Variants in CTNNA3 observed in about 807,000 individuals in gnomAD.
CTNNA3 encodes the protein catenin alpha-3.
In CTNNA3, 76 loss-of-function variants were observed where a neutral mutation model predicts 95.7. The observed-to-expected ratio is 0.79, with a 90% CI of 0.66 to 0.96. CTNNA3 has a LOEUF of 0.96. Among genes scored for constraint, CTNNA3 ranks in the 40% least tolerant of loss-of-function variants. The pLI is 0.00. For synonymous variants in CTNNA3, 431 were observed against 374.4 expected (o/e 1.15, Z -1.74); for missense variants, 1,191 against 1,089.8 (o/e 1.09, Z -1.31).
intron 5 of CTNNA3, among the ~76,000 whole-genome samples, chr10:67,386,364 T>A (rs1055735104): frequency 6.6e-6 from 1 of 152,174 alleles, no homozygotes; most frequent in Non-Finnish European, 1.5e-5. Context: ...TATACAGACA[T>A]TACATAACTC....
At chr10:66,830,898 C>A (rs895724907) in intron 7 of CTNNA3, among the ~76,000 whole-genome samples, 1 of 152,244 alleles carries the variant, frequency 6.6e-6, no homozygotes, top group Non-Finnish European at 1.5e-5. Flanking sequence ...CGTGAGCCAC[C>A]GCGCCTGGCC....
chr10:67,047,032 G>T (rs911920454), intron 7 of CTNNA3, among the ~76,000 whole-genome samples: 2 of 152,130 alleles, frequency 1.3e-5, no homozygotes, highest in South Asian at 4.1e-4. Flanking sequence ...TATATTCAGG[G>T]TCCAGGAGCA....
chr10:66,561,860 T>G (rs2631206), intron 10 of CTNNA3, among the ~76,000 whole-genome samples: 58,139 of 151,934 alleles, frequency 0.38, 11,629 homozygotes, highest in Admixed American at 0.44. Flanking sequence ...CACATTATCC[T>G]ACATGATTTG....
intron 12 of CTNNA3, among the ~76,000 whole-genome samples, chr10:66,360,812 CCTTCCTTTCTTTCTTTCTTT>C (rs869075373): frequency 0.061 from 3,175 of 52,176 alleles, 273 homozygotes; most frequent in Middle Eastern, 0.13. Context: ...TTCCTTCCTT[CCTTCCTTTCTTTCTTTCTTT>C]CTTTCTTTCT....
chr10:66,543,470 A>C (rs1399715074), intron 10 of CTNNA3, among the ~76,000 whole-genome samples: 1 of 152,176 alleles, frequency 6.6e-6, no homozygotes, highest in East Asian at 1.9e-4. Context: ...AAAGGGGTTT[A>C]AGTTATTTTA....
chr10:66,639,542 C>A (rs1254297290), intron 9 of CTNNA3, among the ~76,000 whole-genome samples: 3 of 152,104 alleles, frequency 2.0e-5, no homozygotes, highest in Admixed American at 1.3e-4. Flanking sequence ...CAAAGGGATT[C>A]ATATTTGTGG....
rs2076957128 is a variant in CTNNA3, at chr10:65,912,630, T to C, written c.*7700A>G. 1 of 152,108 alleles carries C rather than the reference T, an allele frequency of 6.6e-6. No individual in the cohort carries two copies. Among genetic ancestry groups the C allele is most frequent in the South Asian group, 2.1e-4 (1 of 4,830 alleles). The allele number at this position is 152,108 out of a possible 1,614,324, so 9.4% of individuals were successfully genotyped here. A position where few individuals can be genotyped will look rare whatever the true frequency, so the allele number is the denominator to read the frequency against. The stretch of plus-strand genomic sequence containing the variant: ...GACATGAGTTGAAATTAGAATAAAG[T>C]AAAATAATACTATATAACCAAAACA... On this transcript the variant is annotated 3_prime_UTR_variant, in exon 18 of 18. Coordinates refer to ENST00000433211, the MANE Select transcript of CTNNA3 (RefSeq NM_013266.4).
Position 65,920,415 on chromosome 10 carries a change from C to A in CTNNA3, c.2603G>T (p.Cys868Phe), listed in dbSNP as rs768330893. The change falls in exon 18 of 18, where the codon TGT becomes TTT. Residue 868 changes from cysteine to phenylalanine, a missense_variant. Transcript: ENST00000433211. The part of the protein sequence containing the change: ...LIKREKPEET[C>F]AAVRRGSAKK... Reference sequence around the variant, plus strand: ...TGCTGAGCCTCGTCTGACAGCTGCACACGTTTCCTCTGGCTTCTCTCTTTT... The same window carrying A: ...TGCTGAGCCTCGTCTGACAGCTGCAAACGTTTCCTCTGGCTTCTCTCTTTT... The A allele has an allele frequency of 1.2e-6, 2 of 1,614,184 alleles. No homozygotes were observed. The highest frequency in any genetic ancestry group is 2.2e-5 in the South Asian group (2 of 91,082).
intron 7 of CTNNA3, chr10:67,052,731 A>C (rs1855186628): frequency 6.6e-6 from 1 of 152,210 alleles, no homozygotes; most frequent in Non-Finnish European, 1.5e-5. Flanking sequence ...ACATCCTGCC[A>C]GCCAACAAGT....
In CTNNA3 at chr10:66,471,094, G is replaced by C. The variant is rs148025491; in HGVS notation, c.1531+49523C>G. Among the ~76,000 whole-genome samples the C allele has an allele frequency of 3.6e-3, 552 of 151,910 alleles. 1 individual carries two copies. Among genetic ancestry groups the C allele is most frequent in the Non-Finnish European group, 6.1e-3 (417 of 67,830 alleles). On this transcript the variant is annotated intron_variant, in intron 11 of 17. Coordinates refer to ENST00000433211, the MANE Select transcript of CTNNA3 (RefSeq NM_013266.4). Reference sequence around the variant, plus strand: ...GGAGAGGAAATGGCGTTGGAAATATGCAACATCCCCCATTGTTTATTGTCC... The same window carrying C: ...GGAGAGGAAATGGCGTTGGAAATATCCAACATCCCCCATTGTTTATTGTCC...
chr10:66,921,289 C>G (rs1846774499), intron 7 of CTNNA3, among the ~76,000 whole-genome samples: 1 of 152,156 alleles, frequency 6.6e-6, no homozygotes, highest in Non-Finnish European at 1.5e-5. Context: ...AATGCTCTAT[C>G]TCCAAATACC....
intron 10 of CTNNA3, among the ~76,000 whole-genome samples, chr10:66,536,828 T>G (rs1841676126): frequency 6.6e-6 from 1 of 152,172 alleles, no homozygotes; most frequent in Admixed American, 6.5e-5. Context: ...CACTAAATTA[T>G]ACACTGTAGT....
chr10:66,244,011 G>A (rs1286825870), intron 13 of CTNNA3, among the ~76,000 whole-genome samples: 1 of 152,066 alleles, frequency 6.6e-6, no homozygotes, highest in African/African-American at 2.4e-5. Context: ...GACCAGAGGG[G>A]AGCCCACTGC....
intron 7 of CTNNA3, among the ~76,000 whole-genome samples, chr10:66,889,945 C>T (rs943219557): frequency 6.6e-6 from 1 of 152,060 alleles, no homozygotes; most frequent in Non-Finnish European, 1.5e-5. Context: ...CTCACGCCAC[C>T]ACGCCCAGCT....
intron 9 of CTNNA3, among the ~76,000 whole-genome samples, chr10:66,625,064 A>T (rs1844885724): frequency 6.6e-6 from 1 of 152,212 alleles, no homozygotes; most frequent in Non-Finnish European, 1.5e-5. Flanking sequence ...ATGAAAGATT[A>T]AATTACATCC....
intron 1 of CTNNA3, among the ~76,000 whole-genome samples, chr10:67,670,439 A>G (rs945159271): frequency 6.6e-6 from 1 of 152,266 alleles, no homozygotes; most frequent in Non-Finnish European, 1.5e-5. Flanking sequence ...TATAACTGCT[A>G]TAGTCACTAA....
At chr10:66,688,675 A>G (rs1230006224) in intron 9 of CTNNA3, among the ~76,000 whole-genome samples, 2 of 152,136 alleles carry the variant, frequency 1.3e-5, no homozygotes, top group African/African-American at 4.8e-5. Context: ...TTAAAGCCCC[A>G]TAAGAGCAGA....
In CTNNA3 at chr10:67,726,415, A is replaced by AATATTAT. The variant is rs1305521617; in HGVS notation, c.-2+37012_-2+37018dup. Among the ~76,000 whole-genome samples the AATATTAT allele has an allele frequency of 7.9e-3, 465 of 58,988 alleles. 5 individuals are homozygous for AATATTAT. Among genetic ancestry groups the AATATTAT allele is most frequent in the Middle Eastern group, 0.017 (1 of 58 alleles). 38.7% of individuals were successfully genotyped at this position (58,988 alleles called of 152,430 possible). A position where few individuals can be genotyped will look rare whatever the true frequency, so the allele number is the denominator to read the frequency against. Reference sequence around the variant, plus strand: ...ATATATTATATATTATATCATATATAATATTATATATTATATCATATATAA... The same window carrying AATATTAT: ...ATATATTATATATTATATCATATATAATATTATATATTATATATTATATCATATATAA... On this transcript the variant is annotated intron_variant, in intron 1 of 17. Coordinates refer to the CTNNA3 transcript ENST00000684154.
intron 7 of CTNNA3, among the ~76,000 whole-genome samples, chr10:66,982,588 C>T (rs917372664): frequency 6.6e-6 from 1 of 151,986 alleles, no homozygotes; most frequent in African/African-American, 2.4e-5. Context: ...AAGAATAAAA[C>T]AGTAGGTACT....
Sources: allele counts gnomAD v4.1 joint callset (sites outside exome capture counted in the v4.1 genomes callset), GRCh38; gene constraint gnomAD v4.1.1; transcripts MANE v1.5; gene names NCBI Gene and HGNC (gene_info 2026-07-23, HGNC 2026-07-21).